Variants in TGFBR3L observed in about 807,000 individuals in gnomAD.
TGFBR3L encodes transforming growth factor-beta receptor type 3-like protein.
In TGFBR3L, 21 loss-of-function variants were observed where a neutral mutation model predicts 20.4. That is an observed-to-expected ratio of 1.03 (90% confidence interval 0.73 to 1.48). The LOEUF is 1.48. Among genes scored for constraint, TGFBR3L ranks in the 40% most tolerant of loss-of-function variants. The probability of loss-of-function intolerance (pLI) is 0.00; values close to 1 mark genes in which losing one functional copy is unlikely to be tolerated. For synonymous variants in TGFBR3L, 245 were observed against 244.2 expected (o/e 1.00, Z -0.03); for missense variants, 479 against 498.0 (o/e 0.96, Z 0.36).
In TGFBR3L at chr19:7,916,702, G is replaced by C; in HGVS notation, c.357G>C (p.Pro119=). ...TGACGCCGTCCTCACGCCCGGCCCC[G>C]GGGCCCGCCCTGGCTCTGCTGCGTG... Residue 119 remains proline, a synonymous_variant, in exon 2 of 6, where the codon CCG becomes CCC. Transcript: ENST00000565886. The C allele has an allele frequency of 1.4e-6, 2 of 1,448,664 alleles. No homozygotes were observed. Among genetic ancestry groups the C allele is most frequent in the Admixed American group, 2.8e-5 (1 of 35,496 alleles). 89.7% of individuals were successfully genotyped at this position (1,448,664 alleles called of 1,614,324 possible).
rs1370664606 is a variant in TGFBR3L at position 7,917,714 on chromosome 19, T to G, written c.738T>G (p.Ser246Arg). 7.0e-7 allele frequency: 1 copy of G among 1,420,970 alleles called. No homozygotes were observed. The highest frequency in any genetic ancestry group is 9.1e-7 in the Non-Finnish European group (1 of 1,095,492). 88.0% of individuals were successfully genotyped at this position (1,420,970 alleles called of 1,614,324 possible). The change falls in exon 4 of 6, where the codon AGT becomes AGG. Residue 246 changes from serine to arginine, a missense_variant. Physicochemically the swap from Ser to Arg is moderately radical, Grantham distance 110. Transcript: ENST00000565886. The stretch of plus-strand genomic sequence containing the variant: ...CACTTCCCACAGGGCCGCCCAAGAG[T>G]GTCCCCGGCCGTGCAGTGCGCCCTG...
chr19:7,916,900 G>C lies in TGFBR3L; in HGVS notation c.555G>C (p.Ala185=). The stretch of plus-strand genomic sequence containing the variant: ...GCCGCCTCCGGGGAGTCCGCCGGGC[G>C]CCTGCGCCTCTGACGCCGCCGCCGC... Residue 185 remains alanine, a synonymous_variant, in exon 2 of 6, where the codon GCG becomes GCC. Coordinates refer to ENST00000565886, the MANE Select transcript of TGFBR3L (RefSeq NM_001195259.2). 1 of 1,329,362 alleles carries C rather than the reference G, an allele frequency of 7.5e-7. No homozygotes were observed. Among genetic ancestry groups the C allele is most frequent in the Non-Finnish European group, 9.6e-7 (1 of 1,046,434 alleles). 82.3% of individuals were successfully genotyped at this position (1,329,362 alleles called of 1,614,324 possible).
Position 7,917,523 on chromosome 19 carries a change from G to A in TGFBR3L, c.648G>A (p.Glu216=), listed in dbSNP as rs917585309. 1 of 1,524,750 alleles carries A rather than the reference G, an allele frequency of 6.6e-7. No homozygotes were observed. The highest frequency in any genetic ancestry group is 1.4e-5 in the African/African-American group (1 of 71,856). The allele number at this position is 1,524,750 out of a possible 1,614,324, so 94.5% of individuals were successfully genotyped here. The stretch of plus-strand genomic sequence containing the variant: ...CCGACACTGGCAGTGGCAGCGCCGA[G>A]GGCCTGGCTGCTGACGGCCCCCACC... The change falls in exon 3 of 6, where the codon GAG becomes GAA. Residue 216 remains glutamate, a synonymous_variant. Coordinates refer to ENST00000565886, the MANE Select transcript of TGFBR3L (RefSeq NM_001195259.2).
In TGFBR3L at chr19:7,917,801, A is replaced by G; in HGVS notation, c.825A>G (p.Ala275=). 1 of 1,435,816 alleles carries G rather than the reference A, an allele frequency of 7.0e-7. No homozygotes were observed. The highest frequency in any genetic ancestry group is 9.1e-7 in the Non-Finnish European group (1 of 1,102,670). The allele number at this position is 1,435,816 out of a possible 1,614,324, so 88.9% of individuals were successfully genotyped here. Residue 275 remains alanine, a synonymous_variant, in exon 4 of 6, where the codon GCA becomes GCG. Coordinates refer to ENST00000565886, the MANE Select transcript of TGFBR3L (RefSeq NM_001195259.2). Reference sequence around the variant, plus strand: ...CGCCGGTGGTGGCGCTGGTGTTGGCAGCCTTCGTGCTGGGCGCCGCGCTGG... The same window carrying G: ...CGCCGGTGGTGGCGCTGGTGTTGGCGGCCTTCGTGCTGGGCGCCGCGCTGG...
In TGFBR3L at chr19:7,916,334, G is replaced by A. The variant is rs1983286853; in HGVS notation, c.67G>A (p.Val23Ile). ...GCGGCGGCGGGGGCGAGGTGGTCGG[G>A]TCACTTTTCCCGGAGGCCTAAAGGG... The change falls in exon 1 of 6, where the codon GTC becomes ATC. Residue 23 changes from valine (V) to isoleucine (I), a missense_variant. By Grantham distance (29) the Val-to-Ile change is conservative. Coordinates refer to ENST00000565886, the MANE Select transcript of TGFBR3L (RefSeq NM_001195259.2). 2 of 1,535,628 alleles carry A rather than the reference G, an allele frequency of 1.3e-6. No homozygotes were observed. Among genetic ancestry groups the A allele is most frequent in the Non-Finnish European group, 1.7e-6 (2 of 1,146,766 alleles).
chr19:7,917,410 G>C (rs1983358901), intron 2 of TGFBR3L, 63 bp from the exon 4 acceptor site: 1 of 1,492,218 alleles, frequency 6.7e-7, no homozygotes, highest in Non-Finnish European at 8.9e-7. Flanking sequence ...GGGCCCTGGG[G>C]ACCAGAGCCA....
chr19:7,918,508 T>C, intron 5 of TGFBR3L: 2 of 305,792 alleles, frequency 6.5e-6, no homozygotes, highest in Admixed American at 4.7e-5. Context: ...AGTGCTGAGA[T>C]TACAGGCGTG....
In TGFBR3L at chr19:7,915,621, A is replaced by C. The variant is rs1599635492; in HGVS notation, c.-647A>C. ...GCCGTGGTAGCGAGTGGCTGTGGTC[A>C]TAGCTACTCGAGAGGCTGAAGCAGG... On this transcript the variant is annotated 5_prime_UTR_variant, in exon 1 of 6. Transcript: ENST00000565886. Among the ~76,000 whole-genome samples, 1 of 152,184 alleles carries C rather than the reference A, an allele frequency of 6.6e-6. No individual in the cohort carries two copies.
Position 7,915,356 on chromosome 19 carries a change from C to T in TGFBR3L, c.-912C>T, listed in dbSNP as rs941581431. Among the ~76,000 whole-genome samples, 2 of 152,140 alleles carry T rather than the reference C, an allele frequency of 1.3e-5. No individual in the cohort carries two copies. The highest frequency in any genetic ancestry group is 2.9e-5 in the Non-Finnish European group (2 of 68,036). Reference sequence around the variant, plus strand: ...AGGGCAGGGGAGTGGGGTGGGGTCTCTGTCCCCCATCCCAAGGGTGGCTCA... The same window carrying T: ...AGGGCAGGGGAGTGGGGTGGGGTCTTTGTCCCCCATCCCAAGGGTGGCTCA... On this transcript the variant is annotated 5_prime_UTR_variant, in exon 1 of 6. Coordinates refer to ENST00000565886, the MANE Select transcript of TGFBR3L (RefSeq NM_001195259.2).
chr19:7,917,585 C>T lies in TGFBR3L; in HGVS notation c.710C>T (p.Pro237Leu). The T allele has an allele frequency of 6.7e-7, 1 of 1,481,748 alleles. No homozygotes were observed. The highest frequency in any genetic ancestry group is 8.9e-7 in the Non-Finnish European group (1 of 1,118,616). 91.8% of individuals were successfully genotyped at this position (1,481,748 alleles called of 1,614,324 possible). A position where few individuals can be genotyped will look rare whatever the true frequency, so the allele number is the denominator to read the frequency against. ...ACGCAGCCTATCGTGGTCACCGTGCCGCGGCCGCCCCCCAGTGAGCACGCA... is the reference window on the plus strand; with the variant it reads ...ACGCAGCCTATCGTGGTCACCGTGCTGCGGCCGCCCCCCAGTGAGCACGCA... Residue 237 changes from proline (P) to leucine (L), a missense_variant, in exon 3 of 6, where the codon CCG becomes CTG. Pro to Leu is a moderately conservative substitution (Grantham distance 98). Transcript: ENST00000565886.
chr19:7,918,223 GTTT>G, intron 5 of TGFBR3L, 94 bp downstream of exon 6: 1 of 748,382 alleles, frequency 1.3e-6, no homozygotes, highest in Non-Finnish European at 1.9e-6. Context: ...TGGTTTTTTT[GTTT>G]GTTTGTTTGT....
chr19:7,918,262 G>A (rs1273052121), intron 5 of TGFBR3L, 133 bp downstream of exon 6: 3 of 1,155,624 alleles, frequency 2.6e-6, no homozygotes, highest in South Asian at 1.5e-5. Context: ...TTGAGACGGA[G>A]TTTCGCTCTT....
rs562539600 is a variant in TGFBR3L, at chr19:7,917,542, C to A, written c.667C>A (p.Pro223Thr). The A allele has an allele frequency of 6.6e-7, 1 of 1,522,046 alleles. No individual in the cohort carries two copies. Among genetic ancestry groups the A allele is most frequent in the East Asian group, 2.6e-5 (1 of 38,608 alleles). 94.3% of individuals were successfully genotyped at this position (1,522,046 alleles called of 1,614,324 possible). ...CGCCGAGGGCCTGGCTGCTGACGGC[C>A]CCCACCTGCACACGCTGACGCAGCC... The change falls in exon 3 of 6, where the codon CCC becomes ACC. Residue 223 changes from proline to threonine, a missense_variant. Coordinates refer to ENST00000565886, the MANE Select transcript of TGFBR3L (RefSeq NM_001195259.2).
Position 7,916,691 on chromosome 19 carries a change from C to A in TGFBR3L, c.346C>A (p.Arg116Ser). 2.1e-6 allele frequency: 3 copies of A among 1,435,038 alleles called. No individual in the cohort carries two copies. Among genetic ancestry groups the A allele is most frequent in the South Asian group, 2.8e-5 (2 of 70,688 alleles). 88.9% of individuals were successfully genotyped at this position (1,435,038 alleles called of 1,614,324 possible). A position where few individuals can be genotyped will look rare whatever the true frequency, so the allele number is the denominator to read the frequency against. Residue 116 changes from arginine to serine, a missense_variant, in exon 2 of 6, where the codon CGC (arginine) becomes AGC (serine). By Grantham distance (110) the Arg-to-Ser change is moderately radical. Transcript: ENST00000565886. Reference sequence around the variant, plus strand: ...CCGCTGCTCAGTGACGCCGTCCTCACGCCCGGCCCCGGGGCCCGCCCTGGC... The same window carrying A: ...CCGCTGCTCAGTGACGCCGTCCTCAAGCCCGGCCCCGGGGCCCGCCCTGGC...
At chr19:7,917,191 AT>A (rs1983351525) in intron 2 of TGFBR3L, 2 of 756,534 alleles carry the variant, frequency 2.6e-6, no homozygotes, top group Non-Finnish European at 3.9e-6. Flanking sequence ...AAGGGGACAC[AT>A]TTCTGGGAAC....
chr19:7,918,016 G>T (rs1983394265), intron 4 of TGFBR3L, 41 bp from the exon 6 acceptor site: 1 of 1,524,526 alleles, frequency 6.6e-7, no homozygotes, highest in Non-Finnish European at 8.8e-7. Context: ...AGCCTGGCGT[G>T]GCGCGCAGCA....
Position 7,916,282 on chromosome 19 carries a change from C to T in TGFBR3L, c.15C>T (p.Ala5=). The T allele has an allele frequency of 1.3e-6, 2 of 1,534,856 alleles. No individual in the cohort carries two copies. Among genetic ancestry groups the T allele is most frequent in the Non-Finnish European group, 1.7e-6 (2 of 1,146,372 alleles). Reference sequence around the variant, plus strand: ...CGGAGCCCATCATGGGTGAATCGGCCGCCGCAACCGCATCCCTTTTCCAAA... The same window carrying T: ...CGGAGCCCATCATGGGTGAATCGGCTGCCGCAACCGCATCCCTTTTCCAAA... Residue 5 remains alanine (A), a synonymous_variant, in exon 1 of 6, where the codon GCC becomes GCT. Transcript: ENST00000565886.
chr19:7,917,940 G>A (rs1983390493), intron 4 of TGFBR3L, 81 bp downstream of exon 5: 2 of 1,396,918 alleles, frequency 1.4e-6, no homozygotes, highest in Non-Finnish European at 1.8e-6. Flanking sequence ...CCCGCCTGCG[G>A]GGCCTGATCA....
intron 2 of TGFBR3L, 98 bp from the exon 4 acceptor site, chr19:7,917,375 A>G: frequency 7.1e-7 from 1 of 1,413,982 alleles, no homozygotes; most frequent in Non-Finnish European, 9.2e-7. Flanking sequence ...GCTGTGGTGG[A>G]GAGCTGGACT....
Sources: allele counts gnomAD v4.1 joint callset (sites outside exome capture counted in the v4.1 genomes callset), GRCh38; gene constraint gnomAD v4.1.1; transcripts MANE v1.5; gene names NCBI Gene and HGNC (gene_info 2026-07-23, HGNC 2026-07-21).